The following MAPK4 variants were observed in gnomAD, a reference collection of about 807,000 sequenced individuals.
The protein encoded by MAPK4 is Erk3-related.
A neutral mutation model predicts 47.7 loss-of-function variants in MAPK4; 22 were observed. The ratio of observed to expected loss-of-function variants is 0.46; its 90% CI spans 0.33 to 0.66. The LOEUF is 0.66. Among genes scored for constraint, MAPK4 ranks in the 30% least tolerant of loss-of-function variants. MAPK4 has a pLI of 0.02. For synonymous variants in MAPK4, 390 were observed against 365.7 expected, an observed-to-expected ratio of 1.07 and a Z score of -0.76; for missense variants, 736 against 831.7, an observed-to-expected ratio of 0.88 and a Z score of 1.42.
chr18:50,584,905 T>G (rs1373277171), intron 1 of MAPK4, among the ~76,000 whole-genome samples: 1 of 152,346 alleles, frequency 6.6e-6, no homozygotes, highest in East Asian at 1.9e-4. Flanking sequence ...TAGCGTTAAC[T>G]CCGGACTCTC....
chr18:50,667,076 T>C (rs1448340130), intron 2 of MAPK4, among the ~76,000 whole-genome samples: 1 of 152,202 alleles, frequency 6.6e-6, no homozygotes, highest in African/African-American at 2.4e-5. Flanking sequence ...CATGAAGTCT[T>C]TCCGGATTCT....
At chr18:50,667,043 G>T (rs1228649706) in intron 2 of MAPK4, among the ~76,000 whole-genome samples, 1 of 152,220 alleles carries the variant, frequency 6.6e-6, no homozygotes, top group African/African-American at 2.4e-5. Flanking sequence ...CTGATGGAGG[G>T]TCTCTCTGAG....
intron 1 of MAPK4, among the ~76,000 whole-genome samples, chr18:50,570,004 G>C (rs370885725): frequency 6.6e-6 from 1 of 152,336 alleles, no homozygotes; most frequent in East Asian, 1.9e-4. Context: ...TTTTAGGAAG[G>C]TTTGTTGTTT....
intron 1 of MAPK4, among the ~76,000 whole-genome samples, chr18:50,586,358 A>G (rs2042387954): frequency 6.6e-6 from 1 of 151,864 alleles, no homozygotes; most frequent in African/African-American, 2.4e-5. Flanking sequence ...TGCAAATTAT[A>G]AGGGGGTAGG....
chr18:50,729,212 C>T lies in MAPK4; in HGVS notation c.1122C>T (p.Asp374=). Reference sequence around the variant, plus strand: ...AGTGGCGGCCTGACCGGTGCCAGGACGCCAGCGAGGTACAGCGCGACCCGC... The same window carrying T: ...AGTGGCGGCCTGACCGGTGCCAGGATGCCAGCGAGGTACAGCGCGACCCGC... ...DLEWRPDRCQ[D]ASEVQRDPRA... The change falls in exon 6 of 6, where the codon GAC becomes GAT. Residue 374 remains aspartate (D), a synonymous_variant. Coordinates refer to ENST00000400384, the MANE Select transcript of MAPK4 (RefSeq NM_002747.4). 3.8e-6 allele frequency: 6 copies of T among 1,599,594 alleles called. No homozygotes were observed. The highest frequency in any genetic ancestry group is 4.3e-6 in the Non-Finnish European group (5 of 1,169,170).
chr18:50,729,029 C>A, intron 5 of MAPK4, 129 bp from the exon 6 acceptor site: 1 of 776,790 alleles, frequency 1.3e-6, no homozygotes, highest in Non-Finnish European at 2.1e-6. Context: ...TGTCCATCAC[C>A]CTCCCACCTT....
intron 2 of MAPK4, among the ~76,000 whole-genome samples, chr18:50,687,633 C>G (rs1316162525): frequency 6.6e-6 from 1 of 152,190 alleles, no homozygotes; most frequent in Non-Finnish European, 1.5e-5. Context: ...TGCTTCCATT[C>G]CAGCTGAATC....
intron 2 of MAPK4, among the ~76,000 whole-genome samples, chr18:50,673,640 A>T (rs537569633): frequency 1.8e-4 from 27 of 152,336 alleles, no homozygotes; most frequent in African/African-American, 6.3e-4. Context: ...GGATCACCTG[A>T]GGTCAGGAGT....
chr18:50,718,384 A>G (rs1157996249), intron 3 of MAPK4, among the ~76,000 whole-genome samples: 1 of 151,926 alleles, frequency 6.6e-6, no homozygotes, highest in Non-Finnish European at 1.5e-5. Flanking sequence ...ACACCCAGCT[A>G]ATTTTGTATT....
intron 2 of MAPK4, among the ~76,000 whole-genome samples, chr18:50,685,835 G>A (rs1049422366): frequency 2.6e-5 from 4 of 151,850 alleles, no homozygotes; most frequent in Non-Finnish European, 4.4e-5. Flanking sequence ...ACTGACACTC[G>A]GTACACGCAG....
At position 50,717,272 on chromosome 18, in the gene MAPK4, G is replaced by T. The variant is rs572979026; in HGVS notation, c.691+2049G>T. ...GCGAGTATCAGAGTGGCAGACGCTG[G>T]GGAGCTGAGTGTCCAGGGAATGGAA... is the stretch of plus-strand genomic sequence containing the variant. On this transcript the variant is annotated intron_variant, in intron 3 of 5. Coordinates refer to ENST00000400384, the MANE Select transcript of MAPK4 (RefSeq NM_002747.4). Among the ~76,000 whole-genome samples, 4 of 152,332 alleles carry T rather than the reference G, an allele frequency of 2.6e-5. No individual in the cohort carries two copies. In the East Asian group the frequency reaches 5.8e-4, roughly 22 times the overall value.
At chr18:50,719,669 C>T (rs1910830348) in intron 3 of MAPK4, among the ~76,000 whole-genome samples, 1 of 152,202 alleles carries the variant, frequency 6.6e-6, no homozygotes, top group African/African-American at 2.4e-5. Context: ...GGCTGTGCTC[C>T]AGCTGCCCTT....
intron 1 of MAPK4, among the ~76,000 whole-genome samples, chr18:50,593,551 A>G (rs1204310556): frequency 3.9e-5 from 6 of 152,184 alleles, no homozygotes; most frequent in Admixed American, 2.0e-4. Context: ...TCCCTGGCTC[A>G]TTGTGAAGAA....
At chr18:50,672,231 A>G (rs1169780466) in intron 2 of MAPK4, among the ~76,000 whole-genome samples, 1 of 152,176 alleles carries the variant, frequency 6.6e-6, no homozygotes, top group African/African-American at 2.4e-5. Context: ...AGCAGAACCC[A>G]GCCATCCGCG....
rs867374086 is a variant in MAPK4, at chr18:50,608,977, A to G, written c.-871+48734A>G. 6.2e-4 allele frequency among the ~76,000 whole-genome samples: 93 copies of G among 150,176 alleles called. No individual in the cohort carries two copies. The South Asian group carries it at 0.018, about 29-fold the overall frequency. On this transcript the variant is annotated intron_variant, in intron 1 of 5. Transcript: ENST00000400384. ...TGTTTAACGAAGCACATCTTGCACC[A>G]CCCTTAATCCATTTAACCCTGAGTG...
At chr18:50,564,449 A>C (rs529055932) in intron 1 of MAPK4, among the ~76,000 whole-genome samples, 1 of 152,148 alleles carries the variant, frequency 6.6e-6, no homozygotes, top group Non-Finnish European at 1.5e-5. Flanking sequence ...GTCTCCAGCC[A>C]TTGCCAAGTA....
In MAPK4 at chr18:50,658,766, AG is replaced by A. The variant is rs572777074; in HGVS notation, c.-870-4321del. ...TGAGCTGAACCAAGCCTCACCTCCT[AG>A]GTAGCTCCCTAGGAGGCCAGGCCTG... On this transcript the variant is annotated intron_variant, in intron 1 of 5. Coordinates refer to ENST00000400384, the MANE Select transcript of MAPK4 (RefSeq NM_002747.4). Among the ~76,000 whole-genome samples, 263 of 152,182 alleles carry A rather than the reference AG, an allele frequency of 1.7e-3. 7 individuals are homozygous for A. The highest frequency in any genetic ancestry group is 1.4e-3 in the Non-Finnish European group (94 of 67,954).
intron 1 of MAPK4, among the ~76,000 whole-genome samples, chr18:50,625,881 T>TGCGC (rs1568050630): frequency 7.9e-6 from 1 of 126,104 alleles, no homozygotes; most frequent in African/African-American, 3.2e-5. Flanking sequence ...GGTGTGTGTA[T>TGCGC]GCACACACAC....
intron 2 of MAPK4, among the ~76,000 whole-genome samples, chr18:50,687,398 C>A (rs1042003648): frequency 1.3e-5 from 2 of 152,210 alleles, no homozygotes; most frequent in African/African-American, 4.8e-5. Flanking sequence ...CAAGTTATGA[C>A]AACTAAAAAT....
Sources: gnomAD v4.1 joint callset for allele counts (sites outside exome capture counted in the v4.1 genomes callset) on GRCh38, gnomAD v4.1.1 for gene constraint, MANE v1.5 for transcripts, NCBI Gene and HGNC (gene_info 2026-07-23, HGNC 2026-07-21) for gene names.